The following ETV1 variants were observed in gnomAD, a reference collection of about 807,000 sequenced individuals.
ETV1 encodes ETS variant transcription factor 1.
Under a neutral mutation model 62.3 loss-of-function variants are expected in ETV1, and 27 were observed. The observed-to-expected ratio is 0.43, with a 90% CI of 0.32 to 0.60. ETV1 has a LOEUF of 0.60. Ranked by LOEUF, ETV1 falls within the 20% of genes least tolerant of loss-of-function variation. The pLI is 0.06. For missense variants in ETV1, 605 were observed against 605.8 expected (o/e 1.00, Z 0.01); for synonymous variants, 222 against 199.6 (o/e 1.11, Z -0.94).
At position 13,989,333 on chromosome 7, in the gene ETV1, C is replaced by A; in HGVS notation, c.-153G>T. The A allele has an allele frequency of 3.9e-6, 2 of 508,662 alleles. No individual in the cohort carries two copies. The highest frequency in any genetic ancestry group is 6.6e-5 in the South Asian group (2 of 30,286). The allele number at this position is 508,662 out of a possible 1,614,324, so 31.5% of individuals were successfully genotyped here. A position where few individuals can be genotyped will look rare whatever the true frequency, so the allele number is the denominator to read the frequency against. Reference sequence around the variant, plus strand: ...TTTTCGGTAGTAGCAAAAATCCGAACAAGAGGCGATGTATTTATTTACACT... The same window carrying A: ...TTTTCGGTAGTAGCAAAAATCCGAAAAAGAGGCGATGTATTTATTTACACT... On this transcript the variant is annotated 5_prime_UTR_variant, in exon 2 of 14. Coordinates refer to ENST00000430479, the MANE Select transcript of ETV1 (RefSeq NM_004956.5).
chr7:13,977,935 C>G (rs757530104), intron 5 of ETV1, among the ~76,000 whole-genome samples: 1 of 151,970 alleles, frequency 6.6e-6, no homozygotes, highest in Admixed American at 6.6e-5. Flanking sequence ...TTTTTAGAAA[C>G]GTCTGCTGGT....
At chr7:13,934,089 T>G (rs1786503006) in intron 8 of ETV1, among the ~76,000 whole-genome samples, 1 of 152,164 alleles carries the variant, frequency 6.6e-6, no homozygotes, top group Non-Finnish European at 1.5e-5. Flanking sequence ...ATTTTTTTGT[T>G]CCCTTTCAGC....
chr7:13,925,307 G>C (rs1001159576), intron 9 of ETV1, among the ~76,000 whole-genome samples: 3 of 152,116 alleles, frequency 2.0e-5, no homozygotes, highest in Non-Finnish European at 4.4e-5. Flanking sequence ...CAACTACTGA[G>C]TTAAGATTTT....
At chr7:13,914,271 A>G (rs934112797) in intron 9 of ETV1, among the ~76,000 whole-genome samples, 5 of 152,116 alleles carry the variant, frequency 3.3e-5, no homozygotes, top group African/African-American at 1.2e-4. Context: ...TTTTAAATTA[A>G]ATCTAAAAAT....
chr7:13,894,147 G>C lies in ETV1; in HGVS notation c.*1719C>G. ...TACAATAGGTTTATTTTGACTTTGT[G>C]TTTAGAATTTTTTTTTTTTTTTGCT... On this transcript the variant is annotated 3_prime_UTR_variant, in exon 14 of 14. Transcript: ENST00000430479. 1 of 223,308 alleles carries C rather than the reference G, an allele frequency of 4.5e-6. No individual in the cohort carries two copies. Among genetic ancestry groups the C allele is most frequent in the Non-Finnish European group, 8.7e-6 (1 of 114,554 alleles). 13.8% of individuals were successfully genotyped at this position (223,308 alleles called of 1,614,324 possible). A position where few individuals can be genotyped will look rare whatever the true frequency, so the allele number is the denominator to read the frequency against.
chr7:13,922,264 GAGA>G (rs922207883), intron 9 of ETV1, among the ~76,000 whole-genome samples: 3 of 152,154 alleles, frequency 2.0e-5, no homozygotes, highest in African/African-American at 7.2e-5. Context: ...TTGCTGAGAA[GAGA>G]AGAAGGCATA....
chr7:13,911,091 T>C (rs1783516726), intron 10 of ETV1, 148 bp downstream of exon 10: 1 of 575,160 alleles, frequency 1.7e-6, no homozygotes, highest in East Asian at 2.9e-5. Context: ...ATCTTCTTTT[T>C]ACTTTGGAGA....
intron 6 of ETV1, among the ~76,000 whole-genome samples, chr7:13,946,268 C>T (rs756133284): frequency 2.6e-5 from 4 of 152,160 alleles, no homozygotes; most frequent in Non-Finnish European, 5.9e-5. Context: ...CTCCTCCGGA[C>T]AATCAAATTT....
intron 6 of ETV1, among the ~76,000 whole-genome samples, chr7:13,970,326 A>AC (rs1562698769): frequency 1.8e-4 from 25 of 138,582 alleles, no homozygotes; most frequent in African/African-American, 4.9e-4. Flanking sequence ...ACACACACAC[A>AC]AAGCAGCAAC....
In ETV1 at chr7:13,892,354, T is replaced by C. The variant is rs1781440041; in HGVS notation, c.*3512A>G. The C allele has an allele frequency of 2.1e-5, 5 of 232,576 alleles. No individual in the cohort carries two copies. The highest frequency in any genetic ancestry group is 4.2e-5 in the Non-Finnish European group (5 of 117,758). The allele number at this position is 232,576 out of a possible 1,614,324, so 14.4% of individuals were successfully genotyped here. A position where few individuals can be genotyped will look rare whatever the true frequency, so the allele number is the denominator to read the frequency against. Reference sequence around the variant, plus strand: ...GTGATTACCAGACATTTTAGTGGAATAGTTGAAATTTAATATAGAAAGTTT... The same window carrying C: ...GTGATTACCAGACATTTTAGTGGAACAGTTGAAATTTAATATAGAAAGTTT... On this transcript the variant is annotated 3_prime_UTR_variant, in exon 14 of 14. Transcript: ENST00000430479.
At chr7:13,983,331 T>C (rs192778816) in intron 5 of ETV1, among the ~76,000 whole-genome samples, 1 of 152,006 alleles carries the variant, frequency 6.6e-6, no homozygotes, top group South Asian at 2.1e-4. Context: ...AGAAGCAAAT[T>C]TGGAAGAATA....
intron 6 of ETV1, among the ~76,000 whole-genome samples, chr7:13,966,654 A>G (rs544235861): frequency 1.3e-5 from 2 of 152,088 alleles, no homozygotes; most frequent in Non-Finnish European, 2.9e-5. Flanking sequence ...CTCAAAAACA[A>G]AAACAAACAA....
At position 13,894,063 on chromosome 7, in the gene ETV1, T is replaced by G. The variant is rs1159185719; in HGVS notation, c.*1803A>C. On this transcript the variant is annotated 3_prime_UTR_variant, in exon 14 of 14. Coordinates refer to ENST00000430479, the MANE Select transcript of ETV1 (RefSeq NM_004956.5). Reference sequence around the variant, plus strand: ...CTGTGATCTGTGTAGTTTTGGAAAATGGGTAGCTGGGGGGATCATCTTTAA... The same window carrying G: ...CTGTGATCTGTGTAGTTTTGGAAAAGGGGTAGCTGGGGGGATCATCTTTAA... The G allele has an allele frequency of 4.3e-6, 1 of 232,758 alleles. No individual in the cohort carries two copies. Among genetic ancestry groups the G allele is most frequent in the African/African-American group, 2.2e-5 (1 of 45,298 alleles). The allele number at this position is 232,758 out of a possible 1,614,324, so 14.4% of individuals were successfully genotyped here. A position where few individuals can be genotyped will look rare whatever the true frequency, so the allele number is the denominator to read the frequency against.
intron 10 of ETV1, among the ~76,000 whole-genome samples, chr7:13,910,227 C>CTTTT (rs1307630076): frequency 3.2e-5 from 3 of 92,324 alleles, no homozygotes; most frequent in African/African-American, 1.0e-4. Flanking sequence ...AAAAAGTTTC[C>CTTTT]CTTTTTTTTT....
At chr7:13,907,980 G>GT (rs55959792) in intron 11 of ETV1, 136,430 of 369,540 alleles carry the variant, frequency 0.37, 25,916 homozygotes, top group Non-Finnish European at 0.4. Context: ...ATTTATCTCA[G>GT]TTTTTCCTTC....
chr7:13,958,094 C>A (rs146579240), intron 6 of ETV1, among the ~76,000 whole-genome samples: 67 of 152,288 alleles, frequency 4.4e-4, no homozygotes, highest in African/African-American at 1.6e-3. Context: ...ACATTTGATT[C>A]CACTGACATA....
At chr7:13,947,280 C>A (rs1011829029) in intron 6 of ETV1, among the ~76,000 whole-genome samples, 3 of 150,158 alleles carry the variant, frequency 2.0e-5, no homozygotes, top group African/African-American at 7.4e-5. Flanking sequence ...TGGATGATGT[C>A]TTGTAAATTA....
intron 6 of ETV1, among the ~76,000 whole-genome samples, chr7:13,951,200 T>A (rs748420232): frequency 1.8e-4 from 28 of 151,530 alleles, no homozygotes; most frequent in African/African-American, 5.1e-4. Context: ...TCTCTCTCTC[T>A]CACACACACA....
At position 13,931,511 on chromosome 7, in the gene ETV1, A is replaced by G. The variant is rs746805857; in HGVS notation, c.793T>C (p.Tyr265His). 4 of 1,613,880 alleles carry G rather than the reference A, an allele frequency of 2.5e-6. No homozygotes were observed. The highest frequency in any genetic ancestry group is 2.7e-5 in the African/African-American group (2 of 74,950). The change falls in exon 9 of 14, where the codon TAT (tyrosine) becomes CAT (histidine). Residue 265 changes from tyrosine (Y) to histidine (H), a missense_variant. Physicochemically the swap from Tyr to His is moderately conservative, Grantham distance 83. Around this residue, in one of 3 missense-constraint regions of ETV1, gnomAD observed 426 missense variants for 377.8 expected, o/e 1.13. Coordinates refer to ENST00000430479, the MANE Select transcript of ETV1 (RefSeq NM_004956.5). ...CAGAGCGCAGGCCTACCTGAGTCAT[A>G]TGCAAAATCTCTGGGTTCCTGTTTA... ...MIKQEPRDFA[Y>H]DSEVPSCHSI...
Sources: gnomAD v4.1 joint callset for allele counts (sites outside exome capture counted in the v4.1 genomes callset) on GRCh38, gnomAD v4.1.1 for gene constraint, gnomAD v4.1.1 regional missense constraint, MANE v1.5 for transcripts, NCBI Gene and HGNC (gene_info 2026-07-23, HGNC 2026-07-21) for gene names.